Variants in ADAMTS1 observed in about 807,000 individuals in gnomAD.
ADAMTS1 encodes A disintegrin and metalloproteinase with thrombospondin motifs 1.
ADAMTS1 carries 19 observed loss-of-function variants against 87.9 expected under a neutral mutation model. That is an observed-to-expected ratio of 0.22 (90% CI 0.15 to 0.32). The LOEUF (loss-of-function observed/expected upper bound fraction) is 0.32, where lower values mean the gene tolerates loss of function less well. Ranked by LOEUF, ADAMTS1 falls within the 10% of genes least tolerant of loss-of-function variation. ADAMTS1 has a pLI of 1.00. For synonymous variants in ADAMTS1, 542 were observed against 501.8 expected (o/e 1.08, Z -1.07); for missense variants, 1,240 against 1,259.1 (o/e 0.98, Z 0.23).
rs923037295 is a variant in ADAMTS1, at chr21:26,842,461, G to A, written c.955C>T (p.Pro319Ser). 1.2e-6 allele frequency: 2 copies of A among 1,614,110 alleles called. No individual in the cohort carries two copies. Among genetic ancestry groups the A allele is most frequent in the African/African-American group, 2.7e-5 (2 of 75,036 alleles). Residue 319 changes from proline to serine, a missense_variant, in exon 2 of 9, where the codon CCG becomes TCG. Pro to Ser is a moderately conservative substitution (Grantham distance 74). Transcript: ENST00000284984. ...ILVIHDEQKG[P>S]EVTSNAALTL... Reference sequence around the variant, plus strand: ...AGGGCAGCATTGGAGGTCACTTCCGGCCCCTTCTGTTCATCGTGGATGACC... The same window carrying A: ...AGGGCAGCATTGGAGGTCACTTCCGACCCCTTCTGTTCATCGTGGATGACC...
chr21:26,841,104 G>A lies in ADAMTS1; in HGVS notation c.1272C>T (p.Asn424=). Residue 424 remains asparagine, a synonymous_variant, in exon 4 of 9, where the codon AAC becomes AAT. Transcript: ENST00000284984. ...AKQCASLNGV[N]QDSHMMASML... is the part of the protein sequence containing the mutation. ...TTGACGCCATCATGTGGGAATCCTGGTTCACACCATTAAGGCTGGCACACT... is the reference window on the plus strand; with the variant it reads ...TTGACGCCATCATGTGGGAATCCTGATTCACACCATTAAGGCTGGCACACT... The A allele has an allele frequency of 6.2e-7, 1 of 1,614,174 alleles. No individual in the cohort carries two copies. Among genetic ancestry groups the A allele is most frequent in the Non-Finnish European group, 8.5e-7 (1 of 1,180,042 alleles).
chr21:26,844,732 G>A lies in ADAMTS1; in HGVS notation c.223C>T (p.Arg75Cys), dbSNP rs1394169971. Residue 75 changes from arginine to cysteine, a missense_variant, in exon 1 of 9, where the codon CGC (arginine) becomes TGC (cysteine). By Grantham distance (180) the Arg-to-Cys change is radical. Around this residue, in one of 3 missense-constraint regions of ADAMTS1, gnomAD observed 521 missense variants for 449.7 expected, o/e 1.16. Transcript: ENST00000284984. Reference sequence around the variant, plus strand: ...TGGTCAAAGGCGTGCAGGCGGAGGCGCGTGGTCCCGTGTCCCGGGGCGCGC... The same window carrying A: ...TGGTCAAAGGCGTGCAGGCGGAGGCACGTGGTCCCGTGTCCCGGGGCGCGC... ...LERAPGHGTT[R>C]LRLHAFDQQL... is the part of the protein sequence containing the mutation. 3.8e-6 allele frequency: 6 copies of A among 1,573,534 alleles called. No homozygotes were observed. The highest frequency in any genetic ancestry group is 5.2e-6 in the Non-Finnish European group (6 of 1,158,114).
At position 26,835,871 on chromosome 21, in the gene ADAMTS1, C is replaced by T. The variant is rs1568808196; in HGVS notation, c.*1708G>A. The T allele has an allele frequency of 6.6e-6, 1 of 152,186 alleles. No homozygotes were observed. Among genetic ancestry groups the T allele is most frequent in the Admixed American group, 6.5e-5 (1 of 15,284 alleles). 9.4% of individuals were successfully genotyped at this position (152,186 alleles called of 1,614,324 possible). On this transcript the variant is annotated 3_prime_UTR_variant, in exon 9 of 9. Transcript: ENST00000284984. ...TAGTTTTTTTAGAACACAGCCATGT[C>T]CATTCACTTACTCATTCTTTATGGC...
In ADAMTS1 at chr21:26,836,716, G is replaced by A. The variant is rs1985371561; in HGVS notation, c.*863C>T. 6.6e-6 allele frequency: 1 copy of A among 152,494 alleles called. No homozygotes were observed. Among genetic ancestry groups the A allele is most frequent in the African/African-American group, 2.4e-5 (1 of 41,400 alleles). The allele number at this position is 152,494 out of a possible 1,614,324, so 9.4% of individuals were successfully genotyped here. ...TGTTCCGGCGTTTCATCCTCCTTGT[G>A]TGATTGTACTGATTTTCATGAGACA... On this transcript the variant is annotated 3_prime_UTR_variant, in exon 9 of 9. Transcript: ENST00000284984.
At position 26,839,639 on chromosome 21, in the gene ADAMTS1, T is replaced by G; in HGVS notation, c.1976A>C (p.Lys659Thr). 6.2e-7 allele frequency: 1 copy of G among 1,612,884 alleles called. No individual in the cohort carries two copies. The highest frequency in any genetic ancestry group is 2.2e-5 in the East Asian group (1 of 44,834). ...AATGCCTTTGGCTTGGCAGATGAGC[T>G]TGCACCTGTCCTTTGGTGAGACGCC... ...YAGVSPKDRC[K>T]LICQAKGIGY... Residue 659 changes from lysine to threonine, a missense_variant, in exon 7 of 9, where the codon AAG becomes ACG. Physicochemically the swap from Lys to Thr is moderately conservative, Grantham distance 78. Coordinates refer to ENST00000284984, the MANE Select transcript of ADAMTS1 (RefSeq NM_006988.5).
At position 26,838,851 on chromosome 21, in the gene ADAMTS1, C is replaced by T. The variant is rs1248567365; in HGVS notation, c.2029-237G>A. 1.2e-5 allele frequency: 5 copies of T among 413,240 alleles called. No individual in the cohort carries two copies. In the Admixed American group the frequency reaches 1.5e-4, roughly 13 times the overall value. 25.6% of individuals were successfully genotyped at this position (413,240 alleles called of 1,614,324 possible). A position where few individuals can be genotyped will look rare whatever the true frequency, so the allele number is the denominator to read the frequency against. On this transcript the variant is annotated intron_variant, in intron 7 of 8. Transcript: ENST00000284984. ...TTATTTATCTATTGACCTATGTCTCCTCCAGCTAAGGTCAATGAAAGTAGA... is the reference window on the plus strand; with the variant it reads ...TTATTTATCTATTGACCTATGTCTCTTCCAGCTAAGGTCAATGAAAGTAGA...
At chr21:26,842,217 A>T (rs1985508756) in intron 2 of ADAMTS1, 122 bp downstream of exon 2, 2 of 1,060,918 alleles carry the variant, frequency 1.9e-6, no homozygotes, top group Non-Finnish European at 2.7e-6. Context: ...AAGATAAACC[A>T]TGCTAGCCAA....
chr21:26,840,883 A>G, intron 4 of ADAMTS1, 115 bp downstream of exon 4: 1 of 1,303,794 alleles, frequency 7.7e-7, no homozygotes, highest in African/African-American at 1.5e-5. Flanking sequence ...TGACAGAGGA[A>G]AAGTAATTTT....
At chr21:26,840,105 G>T (rs996836313) in intron 5 of ADAMTS1, 44 bp from the exon 6 acceptor site, 1 of 1,582,762 alleles carries the variant, frequency 6.3e-7, no homozygotes, top group Non-Finnish European at 8.6e-7. Flanking sequence ...TATCTAAAGA[G>T]AACTTTTAGG....
intron 7 of ADAMTS1, 121 bp from the exon 8 acceptor site, chr21:26,838,735 C>A (rs1474445814): frequency 2.2e-6 from 2 of 927,382 alleles, no homozygotes; most frequent in South Asian, 1.9e-5. Context: ...GTACCCTCTA[C>A]ACATTATGCA....
chr21:26,841,014 A>C lies in ADAMTS1; in HGVS notation c.1362T>G (p.Phe454Leu), dbSNP rs149707533. The C allele has an allele frequency of 2.2e-4, 353 of 1,614,178 alleles. 2 individuals carry two copies. The highest frequency in any genetic ancestry group is 2.1e-3 in the South Asian group (194 of 91,082). The change falls in exon 4 of 9, where the codon TTT becomes TTG. Residue 454 changes from phenylalanine (F) to leucine (L), a missense_variant. Coordinates refer to ENST00000284984, the MANE Select transcript of ADAMTS1 (RefSeq NM_006988.5). ...SPCSAYMITS[F>L]LDNGHGECLM... ...ATATCTCACCATGACCATTATCCAG[A>C]AATGATGTAATCATGTAGGCACTGC...
rs1472885698 is a variant in ADAMTS1, at chr21:26,844,432, C to G, written c.523G>C (p.Glu175Gln). The change falls in exon 1 of 9, where the codon GAG becomes CAG. Residue 175 changes from glutamate (E) to glutamine (Q), a missense_variant. Glu to Gln is a conservative substitution (Grantham distance 29). Around this residue, in one of 3 missense-constraint regions of ADAMTS1, gnomAD observed 521 missense variants for 449.7 expected, o/e 1.16. Transcript: ENST00000284984. ...AACTGTAGTGGTGCCGGCGGCTTCTCCCCTGGGGCGGCGGTGGCGAGGCGC... is the reference window on the plus strand; with the variant it reads ...AACTGTAGTGGTGCCGGCGGCTTCTGCCCTGGGGCGGCGGTGGCGAGGCGC... ...SERLATAAPG[E>Q]KPPAPLQFHL... 4 of 1,588,204 alleles carry G rather than the reference C, an allele frequency of 2.5e-6. No homozygotes were observed. The highest frequency in any genetic ancestry group is 3.4e-6 in the Non-Finnish European group (4 of 1,167,604).
chr21:26,844,077 C>G (rs1205277355), intron 1 of ADAMTS1, 148 bp downstream of exon 1: 1 of 1,043,114 alleles, frequency 9.6e-7, no homozygotes, highest in Admixed American at 3.0e-5. Context: ...ATCCAAACCT[C>G]AAACCACATT....
rs138973321 is a variant in ADAMTS1 at position 26,843,253 on chromosome 21, C to T, written c.731-568G>A. ...CCCACTCTGCCCAGCAGCCTCTGGC[C>T]CCACTCCCACTGCCCCAGCGAAATA... On this transcript the variant is annotated intron_variant, in intron 1 of 8. Transcript: ENST00000284984. 1.2e-4 allele frequency among the ~76,000 whole-genome samples: 18 copies of T among 152,318 alleles called. No individual in the cohort carries two copies. In the East Asian group the frequency reaches 3.5e-3, roughly 29 times the overall value.
chr21:26,844,459 C>T lies in ADAMTS1; in HGVS notation c.496G>A (p.Glu166Lys), dbSNP rs964014168. 2 of 1,587,102 alleles carry T rather than the reference C, an allele frequency of 1.3e-6. No individual in the cohort carries two copies. Among genetic ancestry groups the T allele is most frequent in the Non-Finnish European group, 1.7e-6 (2 of 1,166,438 alleles). ...YFIQPLPAAS[E>K]RLATAAPGEK... ...CCTGGGGCGGCGGTGGCGAGGCGCT[C>T]GCTGGCGGCGGGCAGCGGCTGGATG... The change falls in exon 1 of 9, where the codon GAG becomes AAG. Residue 166 changes from glutamate (E) to lysine (K), a missense_variant. This residue lies in a region of ADAMTS1 where 521 missense variants were observed against 449.7 expected (regional missense o/e 1.16). Coordinates refer to ENST00000284984, the MANE Select transcript of ADAMTS1 (RefSeq NM_006988.5).
At position 26,844,652 on chromosome 21, in the gene ADAMTS1, C is replaced by T. The variant is rs766903937; in HGVS notation, c.303G>A (p.Thr101=). The change falls in exon 1 of 9, where the codon ACG becomes ACA. Residue 101 remains threonine, a synonymous_variant. Transcript: ENST00000284984. The part of the protein sequence containing the change: ...PDSSFLAPGF[T]LQNVGRKSGS... ...CGGATTTGCGCCCCACGTTCTGGAGCGTGAAGCCGGGCGCCAAAAAGCTGC... is the reference window on the plus strand; with the variant it reads ...CGGATTTGCGCCCCACGTTCTGGAGTGTGAAGCCGGGCGCCAAAAAGCTGC... The T allele has an allele frequency of 6.2e-7, 1 of 1,602,110 alleles. No individual in the cohort carries two copies. Among genetic ancestry groups the T allele is most frequent in the South Asian group, 1.1e-5 (1 of 89,084 alleles).
Position 26,844,466 on chromosome 21 carries a change from G to C in ADAMTS1, c.489C>G (p.Ala163=). Residue 163 remains alanine (A), a synonymous_variant, in exon 1 of 9, where the codon GCC becomes GCG. Transcript: ENST00000284984. ...GEAYFIQPLP[A]ASERLATAAP... ...CGGCGGTGGCGAGGCGCTCGCTGGC[G>C]GCGGGCAGCGGCTGGATGAAATACG... The C allele has an allele frequency of 1.3e-6, 2 of 1,585,240 alleles. No individual in the cohort carries two copies. The highest frequency in any genetic ancestry group is 1.7e-6 in the Non-Finnish European group (2 of 1,165,542).
At chr21:26,839,798 C>T (rs1446679201) in intron 6 of ADAMTS1, 36 bp from the exon 7 acceptor site, 1 of 1,603,378 alleles carries the variant, frequency 6.2e-7, no homozygotes, top group Non-Finnish European at 8.5e-7. Context: ...TTATCAGTTT[C>T]CAATCTTGAG....
rs746657825 is a variant in ADAMTS1, at chr21:26,837,541, C to G, written c.*38G>C. 2 of 1,589,310 alleles carry G rather than the reference C, an allele frequency of 1.3e-6. No homozygotes were observed. The highest frequency in any genetic ancestry group is 2.3e-5 in the South Asian group (2 of 88,756). On this transcript the variant is annotated 3_prime_UTR_variant, in exon 9 of 9. Transcript: ENST00000284984. Reference sequence around the variant, plus strand: ...CTTTCCCTGCACCAGCCCTTCCTCACTTTGCCTTGCCCTCAAAGCTAACAC... The same window carrying G: ...CTTTCCCTGCACCAGCCCTTCCTCAGTTTGCCTTGCCCTCAAAGCTAACAC...
Sources: gnomAD v4.1 joint callset for allele counts (sites outside exome capture counted in the v4.1 genomes callset) on GRCh38, gnomAD v4.1.1 for gene constraint, gnomAD v4.1.1 regional missense constraint, MANE v1.5 for transcripts, NCBI Gene and HGNC (gene_info 2026-07-23, HGNC 2026-07-21) for gene names.